The following NFIX variants were observed in gnomAD, a reference collection of about 807,000 sequenced individuals.
NFIX encodes the protein nuclear factor 1 X-type.
NFIX carries 2 observed loss-of-function variants against 53.3 expected under a neutral mutation model. That is an observed-to-expected ratio of 0.04 (90% CI 0.02 to 0.12). NFIX has a LOEUF of 0.12. NFIX is among the 10% of genes least tolerant of loss of function. The pLI, the probability that NFIX is intolerant of heterozygous loss-of-function variation, is 1.00. For synonymous variants in NFIX, 244 were observed against 289.0 expected, an observed-to-expected ratio of 0.84 and a Z score of 1.58; for missense variants, 310 against 674.5, an observed-to-expected ratio of 0.46 and a Z score of 5.99.
intron 2 of NFIX, among the ~76,000 whole-genome samples, chr19:13,030,933 C>T (rs1483296950): frequency 1.3e-5 from 2 of 152,180 alleles, no homozygotes; most frequent in African/African-American, 2.4e-5. Flanking sequence ...GTTGCACACC[C>T]GTGAAGCTGG....
intron 8 of NFIX, among the ~76,000 whole-genome samples, chr19:13,085,609 A>G (rs1361257412): frequency 6.6e-6 from 1 of 152,220 alleles, no homozygotes; most frequent in African/African-American, 2.4e-5. Context: ...CACCTGCACA[A>G]AAGTTCTCCA....
rs2012197803 is a variant in NFIX, at chr19:13,009,254, T to A, written c.27+13390T>A. Among the ~76,000 whole-genome samples the A allele has an allele frequency of 6.6e-6, 1 of 152,152 alleles. No homozygotes were observed. The highest frequency in any genetic ancestry group is 6.5e-5 in the Admixed American group (1 of 15,268). ...CGTCACAGCTTGTCACAGCCATAGA[T>A]TCCTCACAATAAAAATAACAGCTAC... On this transcript the variant is annotated intron_variant, in intron 1 of 10. Coordinates refer to ENST00000592199, the MANE Select transcript of NFIX (RefSeq NM_001365902.3). The surrounding 1 kb of genome is among the most constrained non-coding windows in gnomAD (Gnocchi z 4.7).
Position 13,094,565 on chromosome 19 carries a change from G to T in NFIX, c.1495-70G>T. 6.6e-7 allele frequency: 1 copy of T among 1,506,126 alleles called. No individual in the cohort carries two copies. Among genetic ancestry groups the T allele is most frequent in the Non-Finnish European group, 8.9e-7 (1 of 1,121,498 alleles). The allele number at this position is 1,506,126 out of a possible 1,614,324, so 93.3% of individuals were successfully genotyped here. Reference sequence around the variant, plus strand: ...GGACCCTTGAGGGGCCAGGTCACTGGGCCAGGTAGGAGTGAGATGGGACCT... The same window carrying T: ...GGACCCTTGAGGGGCCAGGTCACTGTGCCAGGTAGGAGTGAGATGGGACCT... On this transcript the variant is annotated intron_variant, in intron 10 of 10. Coordinates refer to ENST00000592199, the MANE Select transcript of NFIX (RefSeq NM_001365902.3). This position sits in a 1 kb window ranked among gnomAD's most constrained non-coding sequence, Gnocchi z 4.3.
At chr19:13,032,407 G>A (rs1405854780) in intron 2 of NFIX, among the ~76,000 whole-genome samples, 7 of 152,326 alleles carry the variant, frequency 4.6e-5, no homozygotes, top group African/African-American at 1.7e-4. Flanking sequence ...AGCCCTGCCT[G>A]TTGGGTAGAG....
chr19:13,081,967 G>C lies in NFIX; in HGVS notation c.1254+112G>C. On this transcript the variant is annotated intron_variant, in intron 8 of 10. Coordinates refer to ENST00000592199, the MANE Select transcript of NFIX (RefSeq NM_001365902.3). This position sits in a 1 kb window ranked among gnomAD's most constrained non-coding sequence, Gnocchi z 4.7. The stretch of plus-strand genomic sequence containing the variant: ...AAAGCCAGGAGCCCACCTGGGGCTG[G>C]AGCAGCAGGGAGCTGGTAGTACCAA... The C allele has an allele frequency of 2.4e-6, 3 of 1,254,918 alleles. No homozygotes were observed. The highest frequency in any genetic ancestry group is 1.4e-5 in the South Asian group (1 of 73,834). The allele number at this position is 1,254,918 out of a possible 1,614,324, so 77.7% of individuals were successfully genotyped here.
At chr19:13,084,444 CAAAACA>C (rs909304134) in intron 8 of NFIX, among the ~76,000 whole-genome samples, 3 of 151,608 alleles carry the variant, frequency 2.0e-5, no homozygotes, top group Non-Finnish European at 4.4e-5. Flanking sequence ...ACTCTGTGTA[CAAAACA>C]AAAACAAAAA....
At chr19:13,080,722 T>C (rs1268457792) in intron 7 of NFIX, among the ~76,000 whole-genome samples, 1 of 152,108 alleles carries the variant, frequency 6.6e-6, no homozygotes, top group Non-Finnish European at 1.5e-5. Flanking sequence ...AGATACTGGC[T>C]GGGCGCGGTG....
At position 13,048,996 on chromosome 19, in the gene NFIX, GA is replaced by G. The variant is rs2015159982; in HGVS notation, c.559+23445del. Among the ~76,000 whole-genome samples, 3 of 152,190 alleles carry G rather than the reference GA, an allele frequency of 2.0e-5. No individual in the cohort carries two copies. The South Asian group carries it at 6.2e-4, about 31-fold the overall frequency. On this transcript the variant is annotated intron_variant, in intron 2 of 10. Transcript: ENST00000592199. ...GGAGGCTGAGGCAGGAGAATCACTT[GA>G]GCTCAGGAGGCAGAGGTTGCAGTGA...
chr19:13,075,405 T>A (rs1397797878), intron 5 of NFIX, 130 bp from the exon 6 acceptor site: 2 of 1,001,754 alleles, frequency 2.0e-6, no homozygotes, highest in Non-Finnish European at 2.9e-6. Context: ...TGCCCAGAAA[T>A]GCTGCTGTCG....
intron 1 of NFIX, among the ~76,000 whole-genome samples, chr19:13,003,455 ACT>A (rs901636036): frequency 1.3e-5 from 2 of 151,904 alleles, no homozygotes; most frequent in Non-Finnish European, 2.9e-5. Context: ...CAGCACACAC[ACT>A]CAGTCATAAT....
At position 13,060,402 on chromosome 19, in the gene NFIX, C is replaced by A. The variant is rs1047171724; in HGVS notation, c.560-12645C>A. On this transcript the variant is annotated intron_variant, in intron 2 of 10. Transcript: ENST00000592199. This position sits in a 1 kb window ranked among gnomAD's most constrained non-coding sequence, Gnocchi z 4.3. ...GGAGCCTCACTGTGGGTGGGAGGGGCGTGGTCAGCCAGCCTTGCCTCCTGG... is the reference window on the plus strand; with the variant it reads ...GGAGCCTCACTGTGGGTGGGAGGGGAGTGGTCAGCCAGCCTTGCCTCCTGG... Among the ~76,000 whole-genome samples, 1 of 152,210 alleles carries A rather than the reference C, an allele frequency of 6.6e-6. No homozygotes were observed. Among genetic ancestry groups the A allele is most frequent in the South Asian group, 2.1e-4 (1 of 4,834 alleles).
At chr19:13,031,366 G>T (rs536698948) in intron 2 of NFIX, among the ~76,000 whole-genome samples, 1 of 152,240 alleles carries the variant, frequency 6.6e-6, no homozygotes, top group Non-Finnish European at 1.5e-5. Context: ...TGGGCATGGT[G>T]ACCAGCCGTG....
rs1356562118 is a variant in NFIX, at chr19:13,095,089, C to T, written c.*440C>T. 6.1e-6 allele frequency: 1 copy of T among 165,158 alleles called. No individual in the cohort carries two copies. The highest frequency in any genetic ancestry group is 1.3e-5 in the Non-Finnish European group (1 of 75,904). 10.2% of individuals were successfully genotyped at this position (165,158 alleles called of 1,614,324 possible). On this transcript the variant is annotated 3_prime_UTR_variant, in exon 11 of 11. Transcript: ENST00000592199. ...CTTCCTAGGGGAACCCCACCCTCCACACAGCCGGAGCTGCCCTAGGGAGCC... is the reference window on the plus strand; with the variant it reads ...CTTCCTAGGGGAACCCCACCCTCCATACAGCCGGAGCTGCCCTAGGGAGCC...
Position 13,060,625 on chromosome 19 carries a change from CG to C in NFIX, c.560-12415del, listed in dbSNP as rs895583555. On this transcript the variant is annotated intron_variant, in intron 2 of 10. Transcript: ENST00000592199. This position sits in a 1 kb window ranked among gnomAD's most constrained non-coding sequence, Gnocchi z 4.3. The stretch of plus-strand genomic sequence containing the variant: ...GTGTGACCCTTGGTGCCTGGCAAGG[CG>C]GGGGGGTAGGGAGCAGCCCTCGCAC... Among the ~76,000 whole-genome samples the C allele has an allele frequency of 7.9e-5, 12 of 152,210 alleles. No individual in the cohort carries two copies. Among genetic ancestry groups the C allele is most frequent in the African/African-American group, 2.4e-4 (10 of 41,528 alleles).
rs1399168884 is a variant in NFIX, at chr19:13,068,923, G to A, written c.560-4124G>A. On this transcript the variant is annotated intron_variant, in intron 2 of 10. Coordinates refer to ENST00000592199, the MANE Select transcript of NFIX (RefSeq NM_001365902.3). The surrounding 1 kb of genome is among the most constrained non-coding windows in gnomAD (Gnocchi z 4.2). ...GCATCGAGAATGAGCTGTGGGCTCT[G>A]AGATACTCTCCCTCCCCTAGCCTGG... Among the ~76,000 whole-genome samples the A allele has an allele frequency of 1.3e-5, 2 of 152,242 alleles. No individual in the cohort carries two copies. The highest frequency in any genetic ancestry group is 2.1e-4 in the South Asian group (1 of 4,832).
In NFIX at chr19:13,037,902, C is replaced by T. The variant is rs145126924; in HGVS notation, c.559+12350C>T. The stretch of plus-strand genomic sequence containing the variant: ...AGAATCATCTCGCCCCCAAACGTCA[C>T]AAGTGCGGAGGTGGAGAAACCCAGC... On this transcript the variant is annotated intron_variant, in intron 2 of 10. Transcript: ENST00000592199. This position sits in a 1 kb window ranked among gnomAD's most constrained non-coding sequence, Gnocchi z 4.2. Among the ~76,000 whole-genome samples, 1 of 152,146 alleles carries T rather than the reference C, an allele frequency of 6.6e-6. No individual in the cohort carries two copies. The highest frequency in any genetic ancestry group is 1.5e-5 in the Non-Finnish European group (1 of 68,016).
chr19:13,029,796 T>C (rs1449948727), intron 2 of NFIX, among the ~76,000 whole-genome samples: 2 of 152,198 alleles, frequency 1.3e-5, no homozygotes, highest in African/African-American at 4.8e-5. Context: ...TATGAGAGCT[T>C]CTTGGTTTCG....
chr19:13,080,688 G>C (rs1483173546), intron 7 of NFIX, among the ~76,000 whole-genome samples: 1 of 151,866 alleles, frequency 6.6e-6, no homozygotes, highest in Admixed American at 6.6e-5. Context: ...TGGATGACAG[G>C]GCGAGATCCT....
chr19:13,006,884 C>A lies in NFIX; in HGVS notation c.27+11020C>A, dbSNP rs1156984040. On this transcript the variant is annotated intron_variant, in intron 1 of 10. Transcript: ENST00000592199. The surrounding 1 kb of genome is among the most constrained non-coding windows in gnomAD (Gnocchi z 5.6). ...CGCCCTGCCTGCCTGCCACCCCCAC[C>A]CCATGCCCGGGCAGAGCCGAGCGGC... 6.6e-6 allele frequency among the ~76,000 whole-genome samples: 1 copy of A among 152,246 alleles called. No individual in the cohort carries two copies. Among genetic ancestry groups the A allele is most frequent in the Non-Finnish European group, 1.5e-5 (1 of 68,034 alleles).
Sources: gnomAD v4.1 joint callset for allele counts (sites outside exome capture counted in the v4.1 genomes callset) on GRCh38, gnomAD v4.1.1 for gene constraint, Gnocchi (gnomAD v3.1) non-coding constraint, MANE v1.5 for transcripts, NCBI Gene and HGNC (gene_info 2026-07-23, HGNC 2026-07-21) for gene names.